NOS2: variants seen among roughly 807,000 people sequenced by gnomAD.
The protein encoded by NOS2 is nitric oxide synthase, inducible.
A neutral mutation model predicts 136.0 loss-of-function variants in NOS2; 96 were observed. The ratio of observed to expected loss-of-function variants is 0.71; its 90% CI spans 0.60 to 0.84. The LOEUF (loss-of-function observed/expected upper bound fraction) is 0.84. Among genes scored for constraint, NOS2 ranks in the 40% least tolerant of loss-of-function variants. NOS2 has a pLI of 0.00. For missense variants in NOS2, 1,237 were observed against 1,496.9 expected (o/e 0.83, Z 2.87); for synonymous variants, 539 against 587.5 (o/e 0.92, Z 1.20).
At chr17:27,791,983 C>A (rs1909207195) in intron 2 of NOS2, among the ~76,000 whole-genome samples, 1 of 152,182 alleles carries the variant, frequency 6.6e-6, no homozygotes, top group African/African-American at 2.4e-5. Flanking sequence ...CCCATTCTTG[C>A]TTCCTCTCAC....
rs924605495 is a variant in NOS2 at position 27,773,091 on chromosome 17, A to C, written c.1559+70T>G. The C allele has an allele frequency of 1.5e-5, 18 of 1,198,990 alleles. No homozygotes were observed. The Admixed American group carries it at 3.0e-4, about 20-fold the overall frequency. The allele number at this position is 1,198,990 out of a possible 1,614,324, so 74.3% of individuals were successfully genotyped here. A position where few individuals can be genotyped will look rare whatever the true frequency, so the allele number is the denominator to read the frequency against. ...TGTGTTCTTGCCCTTCAAGGACTGG[A>C]GGCAGAGGCTGACTAGAAGGGAGAG... On this transcript the variant is annotated intron_variant, in intron 13 of 26. Coordinates refer to ENST00000313735, the MANE Select transcript of NOS2 (RefSeq NM_000625.4).
chr17:27,782,091 T>C lies in NOS2; in HGVS notation c.646A>G (p.Ser216Gly), dbSNP rs146407690. The C allele has an allele frequency of 6.6e-5, 107 of 1,614,048 alleles. No homozygotes were observed. In the African/African-American group the frequency reaches 1.3e-3, roughly 20 times the overall value. The stretch of plus-strand genomic sequence containing the variant: ...AACATTTCCCGGGCAGTGGAACAGC[T>C]GCGGGCATCGAAGACCTGCAACAGC... ...WSNLQVFDAR[S>G]CSTAREMFEH... The change falls in exon 7 of 27, where the codon AGC becomes GGC. Residue 216 changes from serine to glycine, a missense_variant. Ser to Gly is a moderately conservative substitution (Grantham distance 56). Transcript: ENST00000313735.
intron 13 of NOS2, 147 bp downstream of exon 13, chr17:27,773,014 G>A (rs1908545495): frequency 2.7e-6 from 2 of 740,882 alleles, no homozygotes; most frequent in Non-Finnish European, 4.8e-6. Flanking sequence ...CAGCCTGGGT[G>A]ACAGAGTAAG....
In NOS2 at chr17:27,757,301, G is replaced by A. The variant is rs200632738; in HGVS notation, c.3407C>T (p.Ala1136Val). 104 of 1,614,074 alleles carry A rather than the reference G, an allele frequency of 6.4e-5. No individual in the cohort carries two copies. The highest frequency in any genetic ancestry group is 7.5e-5 in the Non-Finnish European group (88 of 1,180,008). The change falls in exon 27 of 27, where the codon GCG (alanine) becomes GTG (valine). Residue 1136 changes from alanine to valine, a missense_variant. By Grantham distance (64) the Ala-to-Val change is moderately conservative (BLOSUM62 0). This residue lies in a region of NOS2 where 782 missense variants were observed against 909.9 expected (regional missense o/e 0.86). Transcript: ENST00000313735. ...DIFGAVFPYEAKKDRVAVQPS... is the reference protein window; with the variant it reads ...DIFGAVFPYEVKKDRVAVQPS... ...CTGCACCGCCACCCTGTCCTTCTTC[G>A]CCTCGTAAGGAAATACAGCACCAAA...
Position 27,786,870 on chromosome 17 carries a change from C to T in NOS2, c.467+808G>A, listed in dbSNP as rs1283094259. ...CTCTTTGGATGATTAAAATTGTATA[C>T]GTTGGCAATAAAATTGGCAAATGAC... is the stretch of plus-strand genomic sequence containing the variant. On this transcript the variant is annotated intron_variant, in intron 5 of 26. Transcript: ENST00000313735. 2.0e-5 allele frequency among the ~76,000 whole-genome samples: 3 copies of T among 152,154 alleles called. No homozygotes were observed. The South Asian group carries it at 6.2e-4, about 32-fold the overall frequency.
In NOS2 at chr17:27,772,310, T is replaced by C. The variant is rs1412645985; in HGVS notation, c.1702A>G (p.Lys568Glu). 6.2e-7 allele frequency: 1 copy of C among 1,613,880 alleles called. No homozygotes were observed. Among genetic ancestry groups the C allele is most frequent in the East Asian group, 2.2e-5 (1 of 44,884 alleles). The change falls in exon 14 of 27, where the codon AAG becomes GAG. Residue 568 changes from lysine to glutamate, a missense_variant and splice_region_variant. Coordinates refer to ENST00000313735, the MANE Select transcript of NOS2 (RefSeq NM_000625.4). Reference protein sequence around the residue: ...GALFSCAFNPKVVCMDKYRLS... With the variant: ...GALFSCAFNPEVVCMDKYRLS... The stretch of plus-strand genomic sequence containing the variant: ...CAGCCATCCCACTGAGCCAGTACCT[T>C]GGGGTTGAAGGCACAGCTGAATAAG...
intron 2 of NOS2, among the ~76,000 whole-genome samples, chr17:27,790,477 A>G (rs1043854898): frequency 2.0e-5 from 3 of 152,220 alleles, no homozygotes; most frequent in African/African-American, 4.8e-5. Context: ...CATTTCTATT[A>G]CAGAAAATGT....
intron 2 of NOS2, 148 bp from the exon 3 acceptor site, chr17:27,789,836 G>A (rs1716779470): frequency 3.3e-6 from 2 of 602,950 alleles, no homozygotes; most frequent in Admixed American, 2.5e-5. Context: ...CTGACCAACT[G>A]CCTCCCCATC....
chr17:27,785,670 G>A (rs1241287153), intron 5 of NOS2, among the ~76,000 whole-genome samples: 2 of 152,078 alleles, frequency 1.3e-5, no homozygotes, highest in African/African-American at 4.8e-5. Context: ...TAGAAAACTG[G>A]AGGTGGGCCA....
chr17:27,779,142 C>G, intron 9 of NOS2, 86 bp from the exon 10 acceptor site: 1 of 1,078,768 alleles, frequency 9.3e-7, no homozygotes, highest in Non-Finnish European at 1.2e-6. Context: ...TGGTCTTGCT[C>G]TGTTGCTCAT....
chr17:27,797,034 A>C (rs1909375312), intron 2 of NOS2, among the ~76,000 whole-genome samples: 1 of 152,094 alleles, frequency 6.6e-6, no homozygotes, highest in Non-Finnish European at 1.5e-5. Context: ...CCCTGCATTC[A>C]AGCCCTTGTG....
intron 6 of NOS2, among the ~76,000 whole-genome samples, chr17:27,782,322 G>A (rs1209474721): frequency 6.6e-6 from 1 of 152,118 alleles, no homozygotes; most frequent in East Asian, 1.9e-4. Context: ...CCCATTTCAT[G>A]GCTGCCCTCT....
intron 2 of NOS2, among the ~76,000 whole-genome samples, chr17:27,793,159 C>T (rs1909245180): frequency 6.9e-6 from 1 of 144,156 alleles, no homozygotes; most frequent in African/African-American, 2.6e-5. Flanking sequence ...CTGTTTACCT[C>T]GCCTTACACC....
chr17:27,789,945 A>G (rs1360778549), intron 2 of NOS2, among the ~76,000 whole-genome samples: 2 of 152,214 alleles, frequency 1.3e-5, no homozygotes, highest in Non-Finnish European at 2.9e-5. Flanking sequence ...CAGCCCATAG[A>G]GGATCTGGAA....
chr17:27,783,722 G>A (rs56114296), intron 5 of NOS2, among the ~76,000 whole-genome samples: 14,189 of 152,264 alleles, frequency 0.093, 887 homozygotes, highest in South Asian at 0.22. Context: ...AAGGCTCTAG[G>A]AGGTTAAGCA....
Position 27,778,815 on chromosome 17 carries a change from C to T in NOS2, c.1180-24G>A, listed in dbSNP as rs765227421. On this transcript the variant is annotated intron_variant, in intron 10 of 26. Transcript: ENST00000313735. ...TCCTACAGAGGCAGAGTGATAGCGG[C>T]GAGTCGGTCCCTGAAGCCACCCCCA... is the stretch of plus-strand genomic sequence containing the variant. 1.4e-5 allele frequency: 22 copies of T among 1,613,360 alleles called. No homozygotes were observed. In the East Asian group the frequency reaches 2.0e-4, roughly 15 times the overall value.
At position 27,760,631 on chromosome 17, in the gene NOS2, TG is replaced by T. The variant is rs762595470; in HGVS notation, c.3001del (p.Gln1001SerfsTer10). On this transcript the variant is annotated frameshift_variant, in exon 24 of 27. Coordinates refer to ENST00000313735, the MANE Select transcript of NOS2 (RefSeq NM_000625.4). LOFTEE classifies it high-confidence loss of function. ...GAAGCCTCCAGCCTTACCCTTGTGC[TG>T]GGAGTCATGGAGCCGTTGCTGCCAG... ...SFWQQRLHDS[Q>X]HKGVRGGRMT... is the part of the protein sequence containing the mutation. 1.1e-5 allele frequency: 17 copies of T among 1,553,642 alleles called. No homozygotes were observed. In the South Asian group the frequency reaches 2.0e-4, roughly 18 times the overall value.
At chr17:27,762,102 C>A (rs1001668719) in intron 22 of NOS2, among the ~76,000 whole-genome samples, 1 of 152,140 alleles carries the variant, frequency 6.6e-6, no homozygotes, top group African/African-American at 2.4e-5. Flanking sequence ...GCCGAGACCA[C>A]CTGGACGAGA....
In NOS2 at chr17:27,760,622, C is replaced by A; in HGVS notation, c.3010+1G>T. 1.3e-6 allele frequency: 2 copies of A among 1,553,454 alleles called. No individual in the cohort carries two copies. Among genetic ancestry groups the A allele is most frequent in the African/African-American group, 1.4e-5 (1 of 73,380 alleles). On this transcript the variant is annotated splice_donor_variant, in intron 24 of 26. Transcript: ENST00000313735. LOFTEE classifies it high-confidence loss of function. ...CCCACCTGGGAAGCCTCCAGCCTTA[C>A]CCTTGTGCTGGGAGTCATGGAGCCG...
Sources: gnomAD v4.1 joint callset for allele counts (sites outside exome capture counted in the v4.1 genomes callset) on GRCh38, gnomAD v4.1.1 for gene constraint, gnomAD v4.1.1 regional missense constraint, MANE v1.5 for transcripts, NCBI Gene and HGNC (gene_info 2026-07-23, HGNC 2026-07-21) for gene names.